The following MYO1E variants were observed in gnomAD, a reference collection of about 807,000 sequenced individuals.
MYO1E encodes unconventional myosin-Ie.
A neutral mutation model predicts 151.1 loss-of-function variants in MYO1E; 68 were observed. That is an observed-to-expected ratio of 0.45 (90% CI 0.37 to 0.55). MYO1E has a LOEUF of 0.55. Ranked by LOEUF, MYO1E falls within the 20% of genes least tolerant of loss-of-function variation. MYO1E has a pLI of 0.00. For synonymous variants in MYO1E, 601 were observed against 501.7 expected (o/e 1.20, Z -2.64); for missense variants, 1,363 against 1,389.3 (o/e 0.98, Z 0.30).
At chr15:59,291,475 AAAAC>A (rs138020248) in intron 1 of MYO1E, among the ~76,000 whole-genome samples, 6,471 of 152,156 alleles carry the variant, frequency 0.043, 431 homozygotes, top group African/African-American at 0.14. Context: ...GCTTTGCACT[AAAAC>A]AAACAAACAA....
In MYO1E at chr15:59,137,003, CT is replaced by C; in HGVS notation, c.*376del. On this transcript the variant is annotated 3_prime_UTR_variant, in exon 28 of 28. Transcript: ENST00000288235. Reference sequence around the variant, plus strand: ...GAAATGTGCTCTTCAACTAAAGGCACTTGTCAGCGGCCACCTACAGCCATTC... The same window carrying C: ...GAAATGTGCTCTTCAACTAAAGGCACTGTCAGCGGCCACCTACAGCCATTC... 1 of 365,308 alleles carries C rather than the reference CT, an allele frequency of 2.7e-6. No homozygotes were observed. The highest frequency in any genetic ancestry group is 2.2e-5 in the South Asian group (1 of 45,622). 22.6% of individuals were successfully genotyped at this position (365,308 alleles called of 1,614,324 possible).
At chr15:59,148,607 G>T (rs2079456045) in intron 26 of MYO1E, among the ~76,000 whole-genome samples, 1 of 152,202 alleles carries the variant, frequency 6.6e-6, no homozygotes, top group African/African-American at 2.4e-5. Context: ...CCTGGGCCAG[G>T]ATATGGCTGC....
At position 59,137,279 on chromosome 15, in the gene MYO1E, A is replaced by C; in HGVS notation, c.*101T>G. ...CCAGAATAGCTCCAGGCCTTGGAGA[A>C]GCAATTGCTCATTGTGGATTGTAAG... On this transcript the variant is annotated 3_prime_UTR_variant, in exon 28 of 28. Coordinates refer to ENST00000288235, the MANE Select transcript of MYO1E (RefSeq NM_004998.4). 1.9e-6 allele frequency: 2 copies of C among 1,066,524 alleles called. No homozygotes were observed. The highest frequency in any genetic ancestry group is 1.3e-5 in the South Asian group (1 of 78,218). The allele number at this position is 1,066,524 out of a possible 1,614,324, so 66.1% of individuals were successfully genotyped here.
At chr15:59,208,892 A>G in intron 13 of MYO1E, 44 bp from the exon 14 acceptor site, 1 of 1,610,010 alleles carries the variant, frequency 6.2e-7, no homozygotes, top group Non-Finnish European at 8.5e-7. Flanking sequence ...TGACCTCTCC[A>G]AAACAGACAA....
chr15:59,183,767 A>C (rs1275630779), intron 18 of MYO1E, among the ~76,000 whole-genome samples: 1 of 152,094 alleles, frequency 6.6e-6, no homozygotes, highest in Non-Finnish European at 1.5e-5. Context: ...AGGAAACACT[A>C]GGTCTTACTC....
intron 9 of MYO1E, among the ~76,000 whole-genome samples, chr15:59,219,345 T>C (rs1282857763): frequency 6.6e-6 from 1 of 152,242 alleles, no homozygotes; most frequent in African/African-American, 2.4e-5. Flanking sequence ...GCAATGCAAA[T>C]TTTGAACTTG....
At chr15:59,255,852 A>G (rs987667855) in intron 4 of MYO1E, among the ~76,000 whole-genome samples, 1 of 152,244 alleles carries the variant, frequency 6.6e-6, no homozygotes, top group Non-Finnish European at 1.5e-5. Context: ...CAGGATTCAG[A>G]GCCATGTCAG....
At chr15:59,259,515 CCT>C (rs1201447677) in intron 3 of MYO1E, among the ~76,000 whole-genome samples, 1 of 152,132 alleles carries the variant, frequency 6.6e-6, no homozygotes, top group African/African-American at 2.4e-5. Flanking sequence ...CCTTAGCACC[CCT>C]CTCAGTTACC....
At chr15:59,297,357 C>T (rs553982997) in intron 1 of MYO1E, among the ~76,000 whole-genome samples, 6 of 149,962 alleles carry the variant, frequency 4.0e-5, no homozygotes, top group Non-Finnish European at 8.9e-5. Context: ...CTGCAACCTC[C>T]GCCTCCTGGT....
At chr15:59,319,414 T>G (rs1285668191) in intron 1 of MYO1E, among the ~76,000 whole-genome samples, 1 of 152,004 alleles carries the variant, frequency 6.6e-6, no homozygotes, top group East Asian at 1.9e-4. Context: ...ATAATTATTA[T>G]AAAATAATGC....
chr15:59,243,213 G>A (rs2080110541), intron 4 of MYO1E, among the ~76,000 whole-genome samples: 1 of 142,982 alleles, frequency 7.0e-6, no homozygotes, highest in South Asian at 2.3e-4. Context: ...ACCAATTTTT[G>A]TAATTCTAGA....
In MYO1E at chr15:59,231,777, A is replaced by G; in HGVS notation, c.435T>C (p.Ile145=). The change falls in exon 6 of 28, where the codon ATT becomes ATC. Residue 145 remains isoleucine, a synonymous_variant. Coordinates refer to ENST00000288235, the MANE Select transcript of MYO1E (RefSeq NM_004998.4). ...GGTKVQHVKD[I]ILQSNPLLEA... is the part of the protein sequence containing the mutation. ...CCAGCAGCGGGTTGGACTGCAGGATAATGTCCTTCACGTGCTGTCCCAGCA... is the reference window on the plus strand; with the variant it reads ...CCAGCAGCGGGTTGGACTGCAGGATGATGTCCTTCACGTGCTGTCCCAGCA... The G allele has an allele frequency of 1.9e-6, 3 of 1,614,134 alleles. No homozygotes were observed. The highest frequency in any genetic ancestry group is 1.3e-5 in the African/African-American group (1 of 75,040).
chr15:59,195,886 G>A (rs781429807), intron 16 of MYO1E, among the ~76,000 whole-genome samples: 1 of 152,126 alleles, frequency 6.6e-6, no homozygotes, highest in Non-Finnish European at 1.5e-5. Context: ...ATTTTCAGGT[G>A]GTACAGTGAA....
chr15:59,195,617 C>T lies in MYO1E; in HGVS notation c.1699-50G>A, dbSNP rs763611195. On this transcript the variant is annotated intron_variant, in intron 16 of 27. Coordinates refer to ENST00000288235, the MANE Select transcript of MYO1E (RefSeq NM_004998.4). ...ATCATGGAACTTTCTCTAAAGAAGA[C>T]CAAATTTCAAAGGAGACTTGTAAAA... 13 of 1,498,922 alleles carry T rather than the reference C, an allele frequency of 8.7e-6. No individual in the cohort carries two copies. In the Admixed American group the frequency reaches 2.0e-4, roughly 23 times the overall value. 92.9% of individuals were successfully genotyped at this position (1,498,922 alleles called of 1,614,324 possible).
chr15:59,203,340 G>A (rs1180536191), intron 15 of MYO1E, among the ~76,000 whole-genome samples: 3 of 150,940 alleles, frequency 2.0e-5, no homozygotes, highest in East Asian at 1.9e-4. Flanking sequence ...AATTTTAAGC[G>A]GAGCAGTAAC....
At chr15:59,324,983 C>A (rs2080654391) in intron 1 of MYO1E, among the ~76,000 whole-genome samples, 1 of 145,436 alleles carries the variant, frequency 6.9e-6, no homozygotes. Flanking sequence ...GACTGAAGAA[C>A]TATCTTCCCT....
chr15:59,346,094 T>A (rs1460640110), intron 1 of MYO1E, among the ~76,000 whole-genome samples: 1 of 152,206 alleles, frequency 6.6e-6, no homozygotes, highest in Non-Finnish European at 1.5e-5. Flanking sequence ...CTTCTGAGAT[T>A]GTAAGCAAAG....
rs370052554 is a variant in MYO1E, at chr15:59,178,585, C to G, written c.1905-48G>C. ...AGAATCACACTTGGGCGGGACCGCA[C>G]TGGTTTTCTACCCGGGCAAGGCAGC... On this transcript the variant is annotated intron_variant, in intron 18 of 27. Coordinates refer to ENST00000288235, the MANE Select transcript of MYO1E (RefSeq NM_004998.4). 3 of 1,602,636 alleles carry G rather than the reference C, an allele frequency of 1.9e-6. No individual in the cohort carries two copies. The South Asian group carries it at 3.3e-5, about 18-fold the overall frequency.
intron 26 of MYO1E, among the ~76,000 whole-genome samples, chr15:59,140,170 C>A (rs1280066194): frequency 3.3e-5 from 5 of 152,082 alleles, no homozygotes; most frequent in Admixed American, 2.6e-4. Context: ...ACTCCCTTCA[C>A]CCCACTGTCA....
Sources: allele counts gnomAD v4.1 joint callset (sites outside exome capture counted in the v4.1 genomes callset), GRCh38; gene constraint gnomAD v4.1.1; transcripts MANE v1.5; gene names NCBI Gene and HGNC (gene_info 2026-07-23, HGNC 2026-07-21).